ATP8A1: variants seen among roughly 807,000 people sequenced by gnomAD.
ATP8A1 encodes the protein ATPase phospholipid transporting 8A1, also known as phospholipid-transporting ATPase IA.
Under a neutral mutation model 177.7 loss-of-function variants are expected in ATP8A1, and 90 were observed. The observed-to-expected ratio is 0.51, with a 90% confidence interval of 0.43 to 0.60. ATP8A1 has a LOEUF of 0.60. Ranked by LOEUF, ATP8A1 falls within the 20% of genes least tolerant of loss-of-function variation. The pLI is 0.00. For synonymous variants in ATP8A1, 493 were observed against 485.9 expected, an observed-to-expected ratio of 1.01 and a Z score of -0.19; for missense variants, 1,072 against 1,392.8, an observed-to-expected ratio of 0.77 and a Z score of 3.67.
intron 20 of ATP8A1, among the ~76,000 whole-genome samples, chr4:42,535,933 T>C (rs1284942233): frequency 6.6e-6 from 1 of 152,108 alleles, no homozygotes; most frequent in African/African-American, 2.4e-5. Context: ...TGACACAAAC[T>C]ATCAAAACCT....
chr4:42,568,069 T>C (rs1343162169), intron 15 of ATP8A1, among the ~76,000 whole-genome samples: 1 of 152,224 alleles, frequency 6.6e-6, no homozygotes, highest in Non-Finnish European at 1.5e-5. Flanking sequence ...TAAACTTGAA[T>C]TATCCACTAA....
chr4:42,636,156 A>ACACACGCGCGTGCGCGCG (rs565139270), intron 1 of ATP8A1, among the ~76,000 whole-genome samples: 4 of 90,898 alleles, frequency 4.4e-5, no homozygotes, highest in African/African-American at 1.3e-4. Context: ...ACACACACAC[A>ACACACGCGCGTGCGCGCG]CGCACACACA....
intron 1 of ATP8A1, among the ~76,000 whole-genome samples, chr4:42,652,968 G>C (rs527708325): frequency 8.1e-6 from 1 of 123,428 alleles, no homozygotes; most frequent in South Asian, 2.7e-4. Context: ...CCTAATTCCC[G>C]ATGTGAAACT....
At position 42,654,685 on chromosome 4, in the gene ATP8A1, C is replaced by T. The variant is rs570300395; in HGVS notation, c.49+2140G>A. On this transcript the variant is annotated intron_variant, in intron 1 of 36. Transcript: ENST00000381668. ...TCTAAATCTCTAACTTTAATGTTTT[C>T]AAGAGAGATATGATTAACACAGAGA... Among the ~76,000 whole-genome samples, 4 of 152,312 alleles carry T rather than the reference C, an allele frequency of 2.6e-5. No homozygotes were observed. In the South Asian group the frequency reaches 6.2e-4, roughly 24 times the overall value.
intron 5 of ATP8A1, among the ~76,000 whole-genome samples, chr4:42,600,896 A>G (rs537807797): frequency 6.6e-6 from 1 of 152,300 alleles, no homozygotes; most frequent in East Asian, 1.9e-4. Context: ...GAAAAATCAC[A>G]AGCACAGAAT....
chr4:42,446,295 G>A (rs555147711), intron 31 of ATP8A1, among the ~76,000 whole-genome samples: 58 of 151,940 alleles, frequency 3.8e-4, no homozygotes, highest in Middle Eastern at 6.8e-3. Flanking sequence ...TTACTACTTC[G>A]GTGGGTTGAT....
chr4:42,588,066 T>C (rs968869939), intron 8 of ATP8A1, among the ~76,000 whole-genome samples, 194 bp downstream of exon 8: 1 of 152,228 alleles, frequency 6.6e-6, no homozygotes, highest in Non-Finnish European at 1.5e-5. Context: ...ATAGATCATA[T>C]TTAACCAGAC....
intron 29 of ATP8A1, among the ~76,000 whole-genome samples, chr4:42,453,883 T>C (rs1718203202): frequency 6.6e-6 from 1 of 152,210 alleles, no homozygotes; most frequent in African/African-American, 2.4e-5. Context: ...AGTCTGATTG[T>C]GGCTTGCCAT....
At chr4:42,527,231 G>A (rs1578108338) in intron 20 of ATP8A1, among the ~76,000 whole-genome samples, 1 of 152,182 alleles carries the variant, frequency 6.6e-6, no homozygotes, top group African/African-American at 2.4e-5. Flanking sequence ...ACAGACACAA[G>A]CTGTTATCAT....
intron 5 of ATP8A1, among the ~76,000 whole-genome samples, chr4:42,609,529 C>T (rs545830389): frequency 1.6e-4 from 25 of 152,158 alleles, no homozygotes; most frequent in African/African-American, 5.1e-4. Context: ...CAACTCCTTG[C>T]GATCTGGCTT....
At chr4:42,472,249 C>G in intron 25 of ATP8A1, 1 of 569,280 alleles carries the variant, frequency 1.8e-6, no homozygotes, top group Admixed American at 2.0e-5. Flanking sequence ...GGATGACAGC[C>G]GGCTCATAAA....
At chr4:42,576,846 AG>A (rs1732512341) in intron 12 of ATP8A1, among the ~76,000 whole-genome samples, 1 of 152,236 alleles carries the variant, frequency 6.6e-6, no homozygotes, top group Admixed American at 6.5e-5. Flanking sequence ...GGACAACAGA[AG>A]GCGGGGAATG....
chr4:42,624,517 G>GA lies in ATP8A1; in HGVS notation c.363+18dup. Reference sequence around the variant, plus strand: ...AAATAACAAAGTCACATACAATTATGAAAAAATAGAATACTTACAATATCT... The same window carrying GA: ...AAATAACAAAGTCACATACAATTATGAAAAAAATAGAATACTTACAATATCT... On this transcript the variant is annotated intron_variant, in intron 4 of 36. Transcript: ENST00000381668. 7.6e-7 allele frequency: 1 copy of GA among 1,307,914 alleles called. No homozygotes were observed. Among genetic ancestry groups the GA allele is most frequent in the Non-Finnish European group, 1.0e-6 (1 of 963,566 alleles). The allele number at this position is 1,307,914 out of a possible 1,614,324, so 81.0% of individuals were successfully genotyped here. A position where few individuals can be genotyped will look rare whatever the true frequency, so the allele number is the denominator to read the frequency against.
chr4:42,543,237 A>G (rs1041571156), intron 20 of ATP8A1, among the ~76,000 whole-genome samples: 1 of 152,154 alleles, frequency 6.6e-6, no homozygotes, highest in Non-Finnish European at 1.5e-5. Flanking sequence ...AGACAAAGCA[A>G]GGTTGTTGAC....
At chr4:42,502,729 G>A (rs192922192) in intron 24 of ATP8A1, among the ~76,000 whole-genome samples, 168 of 152,222 alleles carry the variant, frequency 1.1e-3, no homozygotes, top group Non-Finnish European at 1.8e-3. Context: ...TCTCAGCTTC[G>A]TCAACATCCC....
Position 42,539,675 on chromosome 4 carries a change from G to A in ATP8A1, c.1722+4242C>T, listed in dbSNP as rs143911141. The stretch of plus-strand genomic sequence containing the variant: ...AACTGATCTTTGACAAAGCTGATAA[G>A]AACATACACTGGAGAAAGGTCATGC... On this transcript the variant is annotated intron_variant, in intron 20 of 36. Coordinates refer to ENST00000381668, the MANE Select transcript of ATP8A1 (RefSeq NM_006095.2). 4.0e-3 allele frequency among the ~76,000 whole-genome samples: 612 copies of A among 152,102 alleles called. 7 individuals are homozygous for A. Among genetic ancestry groups the A allele is most frequent in the African/African-American group, 0.014 (591 of 41,492 alleles).
At chr4:42,580,545 G>A (rs1023147784) in intron 10 of ATP8A1, among the ~76,000 whole-genome samples, 2 of 152,162 alleles carry the variant, frequency 1.3e-5, no homozygotes, top group Non-Finnish European at 2.9e-5. Flanking sequence ...TGATTCAAAT[G>A]GTTATGTAGA....
chr4:42,602,624 C>G (rs1380683107), intron 5 of ATP8A1, among the ~76,000 whole-genome samples: 6 of 152,048 alleles, frequency 3.9e-5, no homozygotes, highest in Non-Finnish European at 1.5e-5. Flanking sequence ...AAAAAATTAG[C>G]CAGGCATGGT....
At chr4:42,555,147 T>TC (rs1730029509) in intron 16 of ATP8A1, among the ~76,000 whole-genome samples, 1 of 74,500 alleles carries the variant, frequency 1.3e-5, no homozygotes, top group South Asian at 4.2e-4. Flanking sequence ...CTAATCTATC[T>TC]ATCTATCTAT....
Sources: gnomAD v4.1 joint callset for allele counts (sites outside exome capture counted in the v4.1 genomes callset) on GRCh38, gnomAD v4.1.1 for gene constraint, MANE v1.5 for transcripts, NCBI Gene and HGNC (gene_info 2026-07-23, HGNC 2026-07-21) for gene names.